TRAPPC11: variants seen among roughly 807,000 people sequenced by gnomAD.
TRAPPC11 encodes the protein trafficking protein particle complex subunit 11.
A neutral mutation model predicts 151.2 loss-of-function variants in TRAPPC11; 104 were observed. That is an observed-to-expected ratio of 0.69 (90% CI 0.59 to 0.81). The LOEUF is 0.81. Ranked by LOEUF, TRAPPC11 falls within the 30% of genes least tolerant of loss-of-function variation. The pLI is 0.00. For missense variants in TRAPPC11, 1,230 were observed against 1,349.6 expected (o/e 0.91, Z 1.39); for synonymous variants, 456 against 472.3 (o/e 0.97, Z 0.45).
In TRAPPC11 at chr4:183,675,286, A is replaced by G. The variant is rs372362087; in HGVS notation, c.734+49A>G. On this transcript the variant is annotated intron_variant, in intron 7 of 29. Coordinates refer to ENST00000334690, the MANE Select transcript of TRAPPC11 (RefSeq NM_021942.6). ...TGTTTCCTATTTTTATATTAACAAT[A>G]ACATGTGATGGAAATTTCTGAATCT... 112 of 1,190,832 alleles carry G rather than the reference A, an allele frequency of 9.4e-5. No homozygotes were observed. The African/African-American group carries it at 1.5e-3, about 16-fold the overall frequency. 73.8% of individuals were successfully genotyped at this position (1,190,832 alleles called of 1,614,324 possible). A position where few individuals can be genotyped will look rare whatever the true frequency, so the allele number is the denominator to read the frequency against.
At chr4:183,710,566 G>A (rs1024289751) in intron 29 of TRAPPC11, among the ~76,000 whole-genome samples, 1 of 151,608 alleles carries the variant, frequency 6.6e-6, no homozygotes, top group African/African-American at 2.4e-5. Flanking sequence ...GATTACAGGT[G>A]TGAGCCACTG....
intron 17 of TRAPPC11, 41 bp downstream of exon 17, chr4:183,685,444 T>C: frequency 6.3e-7 from 1 of 1,582,104 alleles, no homozygotes; most frequent in East Asian, 2.3e-5. Flanking sequence ...AGAGAAATTG[T>C]CTTATTTCTA....
chr4:183,701,577 G>A (rs376784011), intron 25 of TRAPPC11, 120 bp from the exon 26 acceptor site: 2 of 672,356 alleles, frequency 3.0e-6, no homozygotes, highest in Non-Finnish European at 5.2e-6. Context: ...TACTTTCTAA[G>A]TCTCTACAAG....
At chr4:183,671,242 ATAC>A (rs768618553) in intron 5 of TRAPPC11, among the ~76,000 whole-genome samples, 3 of 152,220 alleles carry the variant, frequency 2.0e-5, no homozygotes, top group Non-Finnish European at 4.4e-5. Context: ...GTTGTTAAAA[ATAC>A]AAAACGATGT....
chr4:183,686,298 G>A (rs753214378), intron 17 of TRAPPC11, among the ~76,000 whole-genome samples: 4 of 150,776 alleles, frequency 2.7e-5, no homozygotes, highest in African/African-American at 4.9e-5. Context: ...CACCATGCCC[G>A]GCTAATTTTT....
chr4:183,687,535 C>A (rs1736045406), intron 18 of TRAPPC11, among the ~76,000 whole-genome samples: 1 of 151,786 alleles, frequency 6.6e-6, no homozygotes, highest in African/African-American at 2.4e-5. Context: ...TGCTGTGTTG[C>A]CCAAGCTGGT....
At position 183,691,320 on chromosome 4, in the gene TRAPPC11, A is replaced by T; in HGVS notation, c.1898A>T (p.Tyr633Phe). 6.7e-7 allele frequency: 1 copy of T among 1,493,766 alleles called. No homozygotes were observed. The highest frequency in any genetic ancestry group is 9.0e-7 in the Non-Finnish European group (1 of 1,109,678). 92.5% of individuals were successfully genotyped at this position (1,493,766 alleles called of 1,614,324 possible). Residue 633 changes from tyrosine to phenylalanine, a missense_variant, in exon 19 of 30, where the codon TAC becomes TTC. Transcript: ENST00000334690. Reference sequence around the variant, plus strand: ...ACCCCTGTTCACCTTTTTCAGGAATACAACCAGTTCTGTGTAATAGAAGAA... The same window carrying T: ...ACCCCTGTTCACCTTTTTCAGGAATTCAACCAGTTCTGTGTAATAGAAGAA... ...KLCVSFNNQE[Y>F]NQFCVIEEAS... is the part of the protein sequence containing the mutation.
At position 183,705,047 on chromosome 4, in the gene TRAPPC11, A is replaced by C. The variant is rs1445366637; in HGVS notation, c.3032A>C (p.Asn1011Thr). The change falls in exon 27 of 30, where the codon AAT (asparagine) becomes ACT (threonine). Residue 1011 changes from asparagine to threonine, a missense_variant. By Grantham distance (65) the Asn-to-Thr change is moderately conservative. Transcript: ENST00000334690. ...ACTCTGCCGCACGTGATTGTGGAGA[A>C]TATCCCTCTCCATGTGAATGCAGGT... Reference protein sequence around the residue: ...VITLPHVIVENIPLHVNADLP... With the variant: ...VITLPHVIVETIPLHVNADLP... 1.3e-6 allele frequency: 2 copies of C among 1,593,226 alleles called. No individual in the cohort carries two copies. The highest frequency in any genetic ancestry group is 2.7e-5 in the African/African-American group (2 of 74,782).
chr4:183,680,679 C>CTTTTTTTTTT (rs71589581), intron 10 of TRAPPC11, among the ~76,000 whole-genome samples: 8 of 82,948 alleles, frequency 9.6e-5, no homozygotes, highest in Non-Finnish European at 1.5e-4. Flanking sequence ...TATGGAGACT[C>CTTTTTTTTTT]TTTTTTTTTT....
chr4:183,676,828 G>C (rs1175363949), intron 7 of TRAPPC11, among the ~76,000 whole-genome samples: 1 of 152,154 alleles, frequency 6.6e-6, no homozygotes, highest in Non-Finnish European at 1.5e-5. Context: ...GTGGTGGCAC[G>C]ATCTCAGCTC....
At chr4:183,677,940 CT>C (rs199638936) in intron 8 of TRAPPC11, among the ~76,000 whole-genome samples, 1,485 of 140,286 alleles carry the variant, frequency 0.011, 17 homozygotes, top group African/African-American at 0.033. Context: ...TTAGAGGAAA[CT>C]TTTTTTTTTT....
Position 183,684,685 on chromosome 4 carries a change from T to G in TRAPPC11, c.1422-11T>G. The G allele has an allele frequency of 6.2e-7, 1 of 1,613,304 alleles. No homozygotes were observed. ...GAAGCCGGTTCAGTATTACATTTTG[T>G]CTTCTTTGAGGTTGCTGGATTATGT... On this transcript the variant is annotated splice_polypyrimidine_tract_variant and intron_variant, in intron 14 of 29. Coordinates refer to ENST00000334690, the MANE Select transcript of TRAPPC11 (RefSeq NM_021942.6).
intron 7 of TRAPPC11, chr4:183,675,732 A>G (rs1374955207): frequency 6.6e-6 from 1 of 152,268 alleles, no homozygotes. Flanking sequence ...ATTGATTTTT[A>G]TAGGTTTATA....
chr4:183,683,336 C>T (rs906353677), intron 11 of TRAPPC11, among the ~76,000 whole-genome samples: 13 of 152,096 alleles, frequency 8.5e-5, no homozygotes, highest in Non-Finnish European at 1.0e-4. Flanking sequence ...ATACTTTATA[C>T]GTAATTTAAT....
At chr4:183,699,744 C>T (rs911416513) in intron 25 of TRAPPC11, among the ~76,000 whole-genome samples, 8 of 152,182 alleles carry the variant, frequency 5.3e-5, no homozygotes, top group African/African-American at 1.4e-4. Context: ...CTAGAGGTCA[C>T]CTGCACTCCT....
At position 183,685,150 on chromosome 4, in the gene TRAPPC11, G is replaced by C. The variant is rs758850982; in HGVS notation, c.1629+5G>C. 1.9e-6 allele frequency: 3 copies of C among 1,613,594 alleles called. No homozygotes were observed. The Admixed American group carries it at 5.0e-5, about 27-fold the overall frequency. ...AACCTCATAAATGTTTTAATGGTAGGTTGGAATTGTTTATATAGAGTGTGT... is the reference window on the plus strand; with the variant it reads ...AACCTCATAAATGTTTTAATGGTAGCTTGGAATTGTTTATATAGAGTGTGT... On this transcript the variant is annotated splice_donor_5th_base_variant and intron_variant, in intron 16 of 29. Coordinates refer to ENST00000334690, the MANE Select transcript of TRAPPC11 (RefSeq NM_021942.6).
At chr4:183,706,995 G>T in intron 28 of TRAPPC11, 55 bp downstream of exon 28, 1 of 1,595,926 alleles carries the variant, frequency 6.3e-7, no homozygotes. Context: ...CCAGGAAACG[G>T]AGAGCTGTAC....
intron 2 of TRAPPC11, among the ~76,000 whole-genome samples, chr4:183,665,242 C>G (rs921777702): frequency 4.6e-5 from 7 of 151,746 alleles, no homozygotes; most frequent in African/African-American, 1.2e-4. Context: ...CTACAGGCGC[C>G]CGCCACCACG....
intron 24 of TRAPPC11, 41 bp downstream of exon 24, chr4:183,697,609 A>G (rs1354793488): frequency 1.2e-6 from 2 of 1,605,140 alleles, no homozygotes; most frequent in African/African-American, 2.7e-5. Flanking sequence ...TTTAGGTTAT[A>G]AAAATGGACT....
Sources: allele counts gnomAD v4.1 joint callset (sites outside exome capture counted in the v4.1 genomes callset), GRCh38; gene constraint gnomAD v4.1.1; transcripts MANE v1.5; gene names NCBI Gene and HGNC (gene_info 2026-07-23, HGNC 2026-07-21).